MPP7: variants seen among roughly 807,000 people sequenced by gnomAD.
MPP7 encodes the protein MAGUK p55 scaffold protein 7.
In MPP7, 60 loss-of-function variants were observed where a neutral mutation model predicts 76.5. The observed-to-expected ratio is 0.78, with a 90% confidence interval of 0.64 to 0.97. The LOEUF (loss-of-function observed/expected upper bound fraction) is 0.97. Ranked by LOEUF, MPP7 falls within the 50% of genes least tolerant of loss-of-function variation. The pLI is 0.00. For missense variants in MPP7, 641 were observed against 694.0 expected (o/e 0.92, Z 0.86); for synonymous variants, 237 against 244.5 (o/e 0.97, Z 0.29).
At chr10:28,260,735 G>A (rs1336744916) in intron 1 of MPP7, among the ~76,000 whole-genome samples, 1 of 133,202 alleles carries the variant, frequency 7.5e-6, no homozygotes, top group Non-Finnish European at 1.5e-5. Flanking sequence ...TTGTGCTGCT[G>A]CACTCCAGCT....
intron 3 of MPP7, among the ~76,000 whole-genome samples, chr10:28,179,474 T>C (rs1836989091): frequency 1.3e-5 from 2 of 152,206 alleles, no homozygotes. Flanking sequence ...TTTATATAAA[T>C]GAGCCATATA....
In MPP7 at chr10:28,150,075, A is replaced by G; in HGVS notation, c.157-16T>C. ...TTTCATGAATCTGGAAGAAAATCAA[A>G]TGCATATAAGTTCACCTGCTAGCAA... On this transcript the variant is annotated splice_polypyrimidine_tract_variant and intron_variant, in intron 3 of 16. Transcript: ENST00000683449. 6.3e-7 allele frequency: 1 copy of G among 1,596,532 alleles called. No homozygotes were observed. The highest frequency in any genetic ancestry group is 8.6e-7 in the Non-Finnish European group (1 of 1,164,922).
In MPP7 at chr10:28,051,949, C is replaced by T. The variant is rs1244950055; in HGVS notation, c.*2116G>A. 6.6e-6 allele frequency: 1 copy of T among 151,454 alleles called. No individual in the cohort carries two copies. Among genetic ancestry groups the T allele is most frequent in the Non-Finnish European group, 1.5e-5 (1 of 67,978 alleles). The allele number at this position is 151,454 out of a possible 1,614,324, so 9.4% of individuals were successfully genotyped here. A position where few individuals can be genotyped will look rare whatever the true frequency, so the allele number is the denominator to read the frequency against. On this transcript the variant is annotated 3_prime_UTR_variant, in exon 17 of 17. Transcript: ENST00000683449. ...TTACCAAAGTGCCCCCTTTTCCCCC[C>T]ATTATTTAAAAAATATTGTTCTAGC...
intron 5 of MPP7, among the ~76,000 whole-genome samples, chr10:28,132,215 G>A (rs1465219849): frequency 6.6e-6 from 1 of 151,998 alleles, no homozygotes; most frequent in Non-Finnish European, 1.5e-5. Flanking sequence ...TGTAATTGGT[G>A]ACTACTATGT....
chr10:28,078,627 A>G (rs565354941), intron 12 of MPP7, among the ~76,000 whole-genome samples: 1 of 152,202 alleles, frequency 6.6e-6, no homozygotes, highest in South Asian at 2.1e-4. Context: ...TCTAAAAAAT[A>G]TTTCATAAGA....
intron 1 of MPP7, among the ~76,000 whole-genome samples, chr10:28,273,416 C>G (rs1440951890): frequency 1.3e-5 from 2 of 152,174 alleles, no homozygotes; most frequent in African/African-American, 4.8e-5. Flanking sequence ...GCATTCAGAT[C>G]AAGGTGTTTT....
chr10:28,212,474 G>A (rs1439217663), intron 2 of MPP7, among the ~76,000 whole-genome samples: 2 of 152,210 alleles, frequency 1.3e-5, no homozygotes, highest in Admixed American at 1.3e-4. Flanking sequence ...GATACCAGTG[G>A]AGATGCAGTG....
chr10:28,277,690 T>C (rs1840545838), intron 1 of MPP7, among the ~76,000 whole-genome samples: 1 of 152,108 alleles, frequency 6.6e-6, no homozygotes, highest in African/African-American at 2.4e-5. Flanking sequence ...GCTGCATATA[T>C]ACTTAGCAAA....
At chr10:28,197,900 T>C (rs1837641236) in intron 3 of MPP7, among the ~76,000 whole-genome samples, 1 of 152,194 alleles carries the variant, frequency 6.6e-6, no homozygotes. Context: ...ATATACCTAC[T>C]ATGTAACCCC....
At chr10:28,107,187 G>C (rs537264911) in intron 11 of MPP7, among the ~76,000 whole-genome samples, 1 of 151,892 alleles carries the variant, frequency 6.6e-6, no homozygotes, top group African/African-American at 2.4e-5. Flanking sequence ...TGCTCTTTCC[G>C]TGCTATTTTC....
intron 2 of MPP7, among the ~76,000 whole-genome samples, chr10:28,234,709 G>A (rs1839009738): frequency 1.3e-5 from 2 of 152,322 alleles, no homozygotes; most frequent in African/African-American, 4.8e-5. Flanking sequence ...AATTCCAGGA[G>A]AGGGGAATCC....
chr10:28,236,328 T>C (rs998213605), intron 2 of MPP7, among the ~76,000 whole-genome samples: 3 of 152,158 alleles, frequency 2.0e-5, no homozygotes, highest in African/African-American at 7.2e-5. Flanking sequence ...AATACACAGA[T>C]GTATAGAGAG....
At chr10:28,128,464 A>G (rs1835088599) in intron 6 of MPP7, among the ~76,000 whole-genome samples, 1 of 152,220 alleles carries the variant, frequency 6.6e-6, no homozygotes, top group Non-Finnish European at 1.5e-5. Context: ...CACTCTGCAC[A>G]GTAATTCAAG....
chr10:28,066,722 C>A (rs1222432930), intron 13 of MPP7, among the ~76,000 whole-genome samples: 1 of 152,202 alleles, frequency 6.6e-6, no homozygotes, highest in Admixed American at 6.5e-5. Flanking sequence ...TAACAGCACA[C>A]ATGAATGTTG....
intron 3 of MPP7, among the ~76,000 whole-genome samples, chr10:28,193,507 G>A (rs767095920): frequency 2.0e-5 from 3 of 152,076 alleles, no homozygotes; most frequent in Non-Finnish European, 4.4e-5. Flanking sequence ...CACCATGACT[G>A]GCCTGACAAT....
At chr10:28,294,446 A>G (rs1489860509) in intron 1 of MPP7, among the ~76,000 whole-genome samples, 1 of 152,208 alleles carries the variant, frequency 6.6e-6, no homozygotes, top group Admixed American at 6.5e-5. Context: ...ATAAAATGTA[A>G]ACTATAAGGG....
intron 11 of MPP7, among the ~76,000 whole-genome samples, chr10:28,091,720 T>C (rs1853315121): frequency 6.6e-6 from 1 of 152,226 alleles, no homozygotes. Flanking sequence ...ATTTAACCAA[T>C]TATGGACTGA....
At chr10:28,108,930 TG>T (rs1834410535) in intron 11 of MPP7, among the ~76,000 whole-genome samples, 2 of 152,084 alleles carry the variant, frequency 1.3e-5, no homozygotes, top group Non-Finnish European at 2.9e-5. Flanking sequence ...TAATTATATT[TG>T]GGGCTGTTCA....
At chr10:28,190,818 C>CAA (rs199841313) in intron 3 of MPP7, among the ~76,000 whole-genome samples, 2 of 146,614 alleles carry the variant, frequency 1.4e-5, no homozygotes, top group Admixed American at 1.4e-4. Context: ...GAAACTGGAA[C>CAA]AAAAAAAAAC....
Sources: gnomAD v4.1 joint callset for allele counts (sites outside exome capture counted in the v4.1 genomes callset) on GRCh38, gnomAD v4.1.1 for gene constraint, MANE v1.5 for transcripts, NCBI Gene and HGNC (gene_info 2026-07-23, HGNC 2026-07-21) for gene names.